The following GPR161 variants were observed in gnomAD, a reference collection of about 807,000 sequenced individuals.
The protein encoded by GPR161 is G-protein coupled receptor RE2.
GPR161 carries 25 observed loss-of-function variants against 39.2 expected under a neutral mutation model. The observed-to-expected ratio is 0.64, with a 90% CI of 0.47 to 0.89. GPR161 has a LOEUF of 0.89. Among genes scored for constraint, GPR161 ranks in the 40% least tolerant of loss-of-function variants. GPR161 has a pLI of 0.00. For missense variants in GPR161, 547 were observed against 677.8 expected, an observed-to-expected ratio of 0.81 and a Z score of 2.14; for synonymous variants, 286 against 276.6, an observed-to-expected ratio of 1.03 and a Z score of -0.34.
At chr1:168,110,323 G>A (rs998569474) in intron 1 of GPR161, among the ~76,000 whole-genome samples, 2 of 151,782 alleles carry the variant, frequency 1.3e-5, no homozygotes, top group East Asian at 2.0e-4. Context: ...GGGAAATGTG[G>A]TGAAACCTCA....
chr1:168,092,422 G>A (rs1401609391), intron 3 of GPR161, among the ~76,000 whole-genome samples: 4 of 152,310 alleles, frequency 2.6e-5, no homozygotes, highest in African/African-American at 7.2e-5. Flanking sequence ...GTCTGGAAAC[G>A]GGGCAGCCAG....
At chr1:168,088,615 TG>T (rs906656065) in intron 4 of GPR161, 9 of 152,244 alleles carry the variant, frequency 5.9e-5, no homozygotes, top group African/African-American at 2.2e-4. Context: ...TCTGTAAACC[TG>T]GGGTCATCAT....
At chr1:168,087,528 C>G (rs1694646574) in intron 5 of GPR161, 57 bp downstream of exon 5, 3 of 1,603,830 alleles carry the variant, frequency 1.9e-6, no homozygotes, top group African/African-American at 1.3e-5. Flanking sequence ...AGGAATTGTC[C>G]TAAGATCCTT....
chr1:168,097,691 G>T (rs1695690279), intron 2 of GPR161, among the ~76,000 whole-genome samples: 1 of 152,226 alleles, frequency 6.6e-6, no homozygotes, highest in Admixed American at 6.5e-5. Context: ...CTTGCGATGT[G>T]CCAAGCACCG....
At chr1:168,115,660 C>T (rs553491838) in intron 1 of GPR161, among the ~76,000 whole-genome samples, 92 of 152,232 alleles carry the variant, frequency 6.0e-4, no homozygotes, top group Admixed American at 3.9e-3. Context: ...ATCACAGGCC[C>T]GGGGTTACTG....
chr1:168,123,747 C>A (rs973703545), intron 1 of GPR161, among the ~76,000 whole-genome samples: 13 of 152,120 alleles, frequency 8.5e-5, no homozygotes, highest in Non-Finnish European at 1.6e-4. Flanking sequence ...ACGTGAAGAG[C>A]CATTTTTTGA....
intron 1 of GPR161, among the ~76,000 whole-genome samples, chr1:168,119,259 T>TGTATATACAC (rs1697942640): frequency 2.0e-5 from 2 of 99,790 alleles, no homozygotes; most frequent in African/African-American, 9.1e-5. Flanking sequence ...TATATATACG[T>TGTATATACAC]ATATATATGT....
At chr1:168,099,184 G>A (rs534297795) in intron 2 of GPR161, among the ~76,000 whole-genome samples, 15 of 152,272 alleles carry the variant, frequency 9.9e-5, no homozygotes, top group South Asian at 2.1e-4. Flanking sequence ...CCTGGGGGGC[G>A]AACAAGCCCC....
In GPR161 at chr1:168,094,694, C is replaced by T. The variant is rs77354766; in HGVS notation, c.1099+1814G>A. Among the ~76,000 whole-genome samples, 1,003 of 152,288 alleles carry T rather than the reference C, an allele frequency of 6.6e-3. 11 individuals carry two copies. The highest frequency in any genetic ancestry group is 0.023 in the African/African-American group (945 of 41,550). On this transcript the variant is annotated intron_variant, in intron 3 of 5. Coordinates refer to ENST00000682931, the MANE Select transcript of GPR161 (RefSeq NM_001375883.1). ...AACTAGAGTGGTTTGAAGAGTTGCCCGAAGTCATCTGGCAAGAGATTAGGA... is the reference window on the plus strand; with the variant it reads ...AACTAGAGTGGTTTGAAGAGTTGCCTGAAGTCATCTGGCAAGAGATTAGGA...
At chr1:168,117,653 G>C (rs2102219673) in intron 1 of GPR161, among the ~76,000 whole-genome samples, 1 of 152,354 alleles carries the variant, frequency 6.6e-6, no homozygotes, top group East Asian at 1.9e-4. Context: ...TGGGGAAACT[G>C]AGGCTCAGAA....
chr1:168,084,109 G>T lies in GPR161; in HGVS notation c.*1422C>A, dbSNP rs1426536163. 1 of 154,106 alleles carries T rather than the reference G, an allele frequency of 6.5e-6. No individual in the cohort carries two copies. Among genetic ancestry groups the T allele is most frequent in the Non-Finnish European group, 1.4e-5 (1 of 69,226 alleles). 9.5% of individuals were successfully genotyped at this position (154,106 alleles called of 1,614,324 possible). A position where few individuals can be genotyped will look rare whatever the true frequency, so the allele number is the denominator to read the frequency against. On this transcript the variant is annotated 3_prime_UTR_variant, in exon 6 of 6. Coordinates refer to ENST00000682931, the MANE Select transcript of GPR161 (RefSeq NM_001375883.1). ...CTGTTCCAGCACAAAGGGAGGAGAAGAGAGGTTTAACCATCCCAATCACAT... is the reference window on the plus strand; with the variant it reads ...CTGTTCCAGCACAAAGGGAGGAGAATAGAGGTTTAACCATCCCAATCACAT...
At chr1:168,135,780 T>C (rs1161775060) in intron 1 of GPR161, among the ~76,000 whole-genome samples, 1 of 152,152 alleles carries the variant, frequency 6.6e-6, no homozygotes, top group African/African-American at 2.4e-5. Flanking sequence ...GTGTCTCCAT[T>C]GGACAATCAA....
At chr1:168,124,377 A>G (rs969682116) in intron 1 of GPR161, among the ~76,000 whole-genome samples, 2 of 152,086 alleles carry the variant, frequency 1.3e-5, no homozygotes, top group Non-Finnish European at 2.9e-5. Flanking sequence ...AACTACCCAA[A>G]CTCTTTAAGC....
chr1:168,091,929 A>C (rs1695102605), intron 3 of GPR161, among the ~76,000 whole-genome samples: 1 of 151,538 alleles, frequency 6.6e-6, no homozygotes, highest in South Asian at 2.1e-4. Flanking sequence ...TTTATGATAC[A>C]CTCACAGATA....
intron 1 of GPR161, among the ~76,000 whole-genome samples, chr1:168,110,523 C>T (rs1464223976): frequency 1.9e-5 from 1 of 53,722 alleles, no homozygotes; most frequent in Non-Finnish European, 3.4e-5. Flanking sequence ...AAAAAAAAAA[C>T]GAAAGAAAGG....
rs1235130014 is a variant in GPR161, at chr1:168,080,459, T to C, written c.*5072A>G. 2.0e-5 allele frequency: 3 copies of C among 152,266 alleles called. No individual in the cohort carries two copies. The East Asian group carries it at 5.8e-4, about 29-fold the overall frequency. The allele number at this position is 152,266 out of a possible 1,614,324, so 9.4% of individuals were successfully genotyped here. Reference sequence around the variant, plus strand: ...ACAAGGACAGTATGGCTCTGCTCCTTCTTATAGGCATATATGGCTAATCAC... The same window carrying C: ...ACAAGGACAGTATGGCTCTGCTCCTCCTTATAGGCATATATGGCTAATCAC... On this transcript the variant is annotated 3_prime_UTR_variant, in exon 6 of 6. Transcript: ENST00000682931.
At chr1:168,118,781 A>T (rs1697848985) in intron 1 of GPR161, 1 of 152,180 alleles carries the variant, frequency 6.6e-6, no homozygotes, top group Non-Finnish European at 1.5e-5. Context: ...TAAATAGACA[A>T]ATGACTTGAA....
At position 168,087,710 on chromosome 1, in the gene GPR161, AC is replaced by A; in HGVS notation, c.1205-7del. On this transcript the variant is annotated splice_polypyrimidine_tract_variant and splice_region_variant and intron_variant, in intron 4 of 5. Transcript: ENST00000682931. ...AAGCAGCATCATATCTGTCCCTAAA[AC>A]AACGGGCAGATTGTGCATATGTAAC... 6.2e-7 allele frequency: 1 copy of A among 1,606,896 alleles called. No individual in the cohort carries two copies. The highest frequency in any genetic ancestry group is 1.7e-4 in the Middle Eastern group (1 of 6,010).
At chr1:168,105,406 G>C (rs912567495) in intron 1 of GPR161, among the ~76,000 whole-genome samples, 17 of 152,184 alleles carry the variant, frequency 1.1e-4, no homozygotes, top group African/African-American at 4.1e-4. Context: ...ACCATCACCT[G>C]AGAGCTCACT....
Sources: allele counts gnomAD v4.1 joint callset (sites outside exome capture counted in the v4.1 genomes callset), GRCh38; gene constraint gnomAD v4.1.1; transcripts MANE v1.5; gene names NCBI Gene and HGNC (gene_info 2026-07-23, HGNC 2026-07-21).